ARNT2: variants seen among roughly 807,000 people sequenced by gnomAD.
The protein encoded by ARNT2 is aryl hydrocarbon receptor nuclear translocator 2.
ARNT2 carries 36 observed loss-of-function variants against 91.7 expected under a neutral mutation model. That is an observed-to-expected ratio of 0.39 (90% CI 0.30 to 0.52). The LOEUF (loss-of-function observed/expected upper bound fraction) is 0.52. Ranked by LOEUF, ARNT2 falls within the 20% of genes least tolerant of loss-of-function variation. The pLI, the probability that ARNT2 is intolerant of heterozygous loss-of-function variation, is 0.72. For missense variants in ARNT2, 775 were observed against 939.3 expected, an observed-to-expected ratio of 0.83 and a Z score of 2.29; for synonymous variants, 365 against 347.1, an observed-to-expected ratio of 1.05 and a Z score of -0.57.
At chr15:80,407,807 A>G (rs1895621612) in intron 1 of ARNT2, among the ~76,000 whole-genome samples, 2 of 152,180 alleles carry the variant, frequency 1.3e-5, no homozygotes, top group African/African-American at 2.4e-5. Flanking sequence ...TTAGTTATAT[A>G]CATAAAAGGG....
chr15:80,495,810 TC>T (rs1897119019), intron 5 of ARNT2, among the ~76,000 whole-genome samples: 1 of 152,150 alleles, frequency 6.6e-6, no homozygotes, highest in Non-Finnish European at 1.5e-5. Flanking sequence ...CCTTCCACTT[TC>T]CCCACACCTT....
chr15:80,545,287 C>T (rs567284055), intron 8 of ARNT2, among the ~76,000 whole-genome samples: 155 of 152,340 alleles, frequency 1.0e-3, no homozygotes, highest in African/African-American at 3.7e-3. Flanking sequence ...CTAGAATCAC[C>T]TGGTCCTCTT....
Position 80,595,448 on chromosome 15 carries a change from G to A in ARNT2, c.*1750G>A, listed in dbSNP as rs1426217925. 6 of 152,330 alleles carry A rather than the reference G, an allele frequency of 3.9e-5. No individual in the cohort carries two copies. The highest frequency in any genetic ancestry group is 3.3e-4 in the Admixed American group (5 of 15,290). 9.4% of individuals were successfully genotyped at this position (152,330 alleles called of 1,614,324 possible). ...AGAGTGGAGTGAGGCCAGCATGCAG[G>A]AAGGAGTTTGGAGAGAGTGTTTGCT... On this transcript the variant is annotated 3_prime_UTR_variant, in exon 19 of 19. Coordinates refer to ENST00000303329, the MANE Select transcript of ARNT2 (RefSeq NM_014862.4).
At chr15:80,423,898 G>A (rs150165468) in intron 1 of ARNT2, among the ~76,000 whole-genome samples, 1 of 152,278 alleles carries the variant, frequency 6.6e-6, no homozygotes, top group East Asian at 1.9e-4. Context: ...TCATAAAACT[G>A]GGATATCCAG....
chr15:80,509,419 G>T (rs1410203078), intron 6 of ARNT2, among the ~76,000 whole-genome samples: 2 of 151,934 alleles, frequency 1.3e-5, no homozygotes, highest in East Asian at 1.9e-4. Context: ...CCCAGCCTGG[G>T]TAACAGAGTG....
chr15:80,439,248 G>T (rs1410913120), intron 1 of ARNT2, among the ~76,000 whole-genome samples: 3 of 152,236 alleles, frequency 2.0e-5, no homozygotes, highest in Middle Eastern at 3.4e-3. Context: ...AGTTCATGTG[G>T]CATGGCTTAT....
intron 1 of ARNT2, among the ~76,000 whole-genome samples, chr15:80,421,318 G>A (rs185180818): frequency 5.0e-4 from 75 of 150,366 alleles, no homozygotes; most frequent in Non-Finnish European, 8.3e-4. Context: ...TGGGCAACAA[G>A]TACACTAAAA....
chr15:80,417,484 C>G (rs1895803441), intron 1 of ARNT2, among the ~76,000 whole-genome samples: 1 of 152,156 alleles, frequency 6.6e-6, no homozygotes, highest in Non-Finnish European at 1.5e-5. Context: ...ATTTTCCATT[C>G]TGAGAATTCT....
At chr15:80,542,426 C>T (rs955869783) in intron 8 of ARNT2, among the ~76,000 whole-genome samples, 1 of 152,112 alleles carries the variant, frequency 6.6e-6, no homozygotes, top group Admixed American at 6.6e-5. Context: ...CATAAAACCA[C>T]CACTATTTTA....
intron 8 of ARNT2, among the ~76,000 whole-genome samples, chr15:80,532,791 C>G (rs1412269024): frequency 1.3e-5 from 2 of 152,218 alleles, no homozygotes; most frequent in Non-Finnish European, 2.9e-5. Context: ...GGAGTATTCA[C>G]TAGAATCATT....
intron 5 of ARNT2, among the ~76,000 whole-genome samples, chr15:80,506,231 C>T (rs967998274): frequency 5.4e-4 from 82 of 152,266 alleles, no homozygotes; most frequent in Admixed American, 4.0e-3. Context: ...CCACCGCGCC[C>T]GGCCCCAACA....
intron 5 of ARNT2, among the ~76,000 whole-genome samples, chr15:80,479,705 G>T (rs1472313196): frequency 6.6e-6 from 1 of 152,156 alleles, no homozygotes; most frequent in Non-Finnish European, 1.5e-5. Context: ...AACCCAAGAG[G>T]ACCTATTCTG....
intron 4 of ARNT2, among the ~76,000 whole-genome samples, chr15:80,474,483 C>G (rs1007406887): frequency 6.6e-6 from 1 of 152,192 alleles, no homozygotes; most frequent in African/African-American, 2.4e-5. Flanking sequence ...GCATTCAGCT[C>G]AGAAATATGG....
intron 12 of ARNT2, among the ~76,000 whole-genome samples, chr15:80,568,249 T>C (rs1898522275): frequency 6.7e-6 from 1 of 149,564 alleles, no homozygotes; most frequent in South Asian, 2.1e-4. Flanking sequence ...TTGGGGCTGT[T>C]TGTTAGCTTG....
At chr15:80,448,560 C>A (rs1382629805) in intron 1 of ARNT2, among the ~76,000 whole-genome samples, 3 of 152,162 alleles carry the variant, frequency 2.0e-5, no homozygotes, top group Non-Finnish European at 4.4e-5. Flanking sequence ...TTGTTTTACC[C>A]AAATTAAATT....
intron 2 of ARNT2, among the ~76,000 whole-genome samples, chr15:80,455,931 G>A (rs1896474988): frequency 6.6e-6 from 1 of 152,052 alleles, no homozygotes; most frequent in South Asian, 2.1e-4. Flanking sequence ...CAGCACGCAC[G>A]GGGTGTTAAA....
chr15:80,548,892 G>A (rs1030803538), intron 8 of ARNT2, among the ~76,000 whole-genome samples: 6 of 152,100 alleles, frequency 3.9e-5, no homozygotes, highest in African/African-American at 9.6e-5. Flanking sequence ...GCTATTTTAT[G>A]GAGTCAGATA....
intron 5 of ARNT2, among the ~76,000 whole-genome samples, chr15:80,491,991 T>C (rs1038778775): frequency 6.6e-6 from 1 of 152,254 alleles, no homozygotes; most frequent in South Asian, 2.1e-4. Context: ...TGTACGTCTA[T>C]TTCTGGACTC....
intron 8 of ARNT2, among the ~76,000 whole-genome samples, chr15:80,515,735 CAAA>C (rs61034995): frequency 3.7e-5 from 5 of 136,126 alleles, no homozygotes; most frequent in Admixed American, 7.5e-5. Context: ...GTTCCTAAAC[CAAA>C]AAAAAAAAAA....
Sources: gnomAD v4.1 joint callset for allele counts (sites outside exome capture counted in the v4.1 genomes callset) on GRCh38, gnomAD v4.1.1 for gene constraint, MANE v1.5 for transcripts, NCBI Gene and HGNC (gene_info 2026-07-23, HGNC 2026-07-21) for gene names.